Variants in PPP5C observed in about 807,000 individuals in gnomAD.
PPP5C encodes the protein serine/threonine-protein phosphatase 5.
Under a neutral mutation model 66.7 loss-of-function variants are expected in PPP5C, and 21 were observed. The ratio of observed to expected loss-of-function variants is 0.31; its 90% CI spans 0.22 to 0.45. PPP5C has a LOEUF of 0.45. PPP5C is among the 20% of genes least tolerant of loss of function. PPP5C has a pLI of 1.00. For synonymous variants in PPP5C, 246 were observed against 257.4 expected (o/e 0.96, Z 0.43); for missense variants, 464 against 675.9 (o/e 0.69, Z 3.48).
chr19:46,381,388 G>A (rs1177746209), intron 4 of PPP5C: 1 of 152,058 alleles, frequency 6.6e-6, no homozygotes, highest in Admixed American at 6.6e-5. Context: ...CAATTTTATT[G>A]TATGCCAGCT....
chr19:46,369,925 GGAAAAA>G (rs1477254666), intron 2 of PPP5C, among the ~76,000 whole-genome samples: 1 of 136,084 alleles, frequency 7.3e-6, no homozygotes, highest in Non-Finnish European at 1.6e-5. Context: ...GACTCCGTCT[GGAAAAA>G]AAAAAAAAAA....
chr19:46,373,309 GA>G (rs574145147), intron 2 of PPP5C, among the ~76,000 whole-genome samples: 4 of 152,264 alleles, frequency 2.6e-5, no homozygotes, highest in Non-Finnish European at 4.4e-5. Context: ...TCGCCTGGGA[GA>G]GAAGGGAATC....
At chr19:46,390,019 C>T (rs1972985479) in intron 11 of PPP5C, 32 bp from the exon 12 acceptor site, 4 of 1,606,884 alleles carry the variant, frequency 2.5e-6, no homozygotes, top group African/African-American at 1.3e-5. Context: ...CCAGCCCTGA[C>T]CACACTGTCC....
rs980827839 is a variant in PPP5C, at chr19:46,347,947, A to AC, written c.121+730_121+731insC. ...TGCAGGTGAACCAGACATGAAAAAAAAAAAAACAAAAAAAAACCATGTAAA... is the reference window on the plus strand; with the variant it reads ...TGCAGGTGAACCAGACATGAAAAAAACAAAAAACAAAAAAAAACCATGTAAA... On this transcript the variant is annotated intron_variant, in intron 1 of 12. Transcript: ENST00000012443. Among the ~76,000 whole-genome samples, 53 of 151,608 alleles carry AC rather than the reference A, an allele frequency of 3.5e-4. 1 individual carries two copies. The highest frequency in any genetic ancestry group is 5.6e-4 in the Non-Finnish European group (38 of 67,984).
At chr19:46,362,572 A>G (rs1288303813) in intron 2 of PPP5C, among the ~76,000 whole-genome samples, 1 of 152,188 alleles carries the variant, frequency 6.6e-6, no homozygotes, top group African/African-American at 2.4e-5. Context: ...AGTTGATTCT[A>G]TTTATATGTA....
At position 46,383,222 on chromosome 19, in the gene PPP5C, A is replaced by G. The variant is rs1295875011; in HGVS notation, c.634-189A>G. ...GCAATGCTTCGGCACTGCACAGGCCACAGAAGCCTGCGGCTGCCTCCGGCC... is the reference window on the plus strand; with the variant it reads ...GCAATGCTTCGGCACTGCACAGGCCGCAGAAGCCTGCGGCTGCCTCCGGCC... On this transcript the variant is annotated intron_variant, in intron 4 of 12. Coordinates refer to ENST00000012443, the MANE Select transcript of PPP5C (RefSeq NM_006247.4). The surrounding 1 kb of genome is among the most constrained non-coding windows in gnomAD (Gnocchi z 5.0). The G allele has an allele frequency of 6.5e-7, 1 of 1,536,670 alleles. No homozygotes were observed. Among genetic ancestry groups the G allele is most frequent in the Non-Finnish European group, 8.7e-7 (1 of 1,144,580 alleles).
intron 6 of PPP5C, 98 bp from the exon 7 acceptor site, chr19:46,384,706 A>G: frequency 2.2e-6 from 2 of 892,046 alleles, no homozygotes; most frequent in South Asian, 2.8e-5. Flanking sequence ...GAGGCCAGGC[A>G]GGAGCAGCCC....
At chr19:46,374,071 G>A (rs1972646987) in intron 2 of PPP5C, among the ~76,000 whole-genome samples, 1 of 152,158 alleles carries the variant, frequency 6.6e-6, no homozygotes, top group Non-Finnish European at 1.5e-5. Flanking sequence ...AGGATGCCAG[G>A]GGCTGCCTGG....
intron 2 of PPP5C, among the ~76,000 whole-genome samples, chr19:46,358,930 T>C (rs1285216104): frequency 3.9e-5 from 6 of 152,176 alleles, no homozygotes; most frequent in African/African-American, 7.2e-5. Flanking sequence ...TTTCTCAAGA[T>C]GGGGAGTGGG....
chr19:46,353,532 C>T (rs892985840), intron 1 of PPP5C, among the ~76,000 whole-genome samples: 6 of 25,760 alleles, frequency 2.3e-4, no homozygotes, highest in East Asian at 1.4e-3. Flanking sequence ...GGTGGGTGGG[C>T]GGGTGTGTGG....
At position 46,384,885 on chromosome 19, in the gene PPP5C, C is replaced by T; in HGVS notation, c.880C>T (p.Pro294Ser). Reference protein sequence around the residue: ...LTLFGFKLLYPDHFHLLRGNH... With the variant: ...LTLFGFKLLYSDHFHLLRGNH... ...CCTTTTCGGCTTCAAGCTCCTGTAC[C>T]CAGATCACTTTCACCTCCTTCGAGG... Residue 294 changes from proline to serine, a missense_variant, in exon 7 of 13, where the codon CCA becomes TCA. Physicochemically the swap from Pro to Ser is moderately conservative, Grantham distance 74 (BLOSUM62 -1). This residue lies in a region of PPP5C where 387 missense variants were observed against 626.0 expected (regional missense o/e 0.62). Coordinates refer to ENST00000012443, the MANE Select transcript of PPP5C (RefSeq NM_006247.4). 1 of 1,614,070 alleles carries T rather than the reference C, an allele frequency of 6.2e-7. No homozygotes were observed. The highest frequency in any genetic ancestry group is 8.5e-7 in the Non-Finnish European group (1 of 1,179,920).
chr19:46,350,818 A>G (rs1326015611), intron 1 of PPP5C, among the ~76,000 whole-genome samples: 1 of 152,010 alleles, frequency 6.6e-6, no homozygotes, highest in South Asian at 2.1e-4. Flanking sequence ...CTTCCTCGCC[A>G]CGTGCTTGGC....
At chr19:46,380,094 C>T (rs1290224669) in intron 4 of PPP5C, among the ~76,000 whole-genome samples, 1 of 152,126 alleles carries the variant, frequency 6.6e-6, no homozygotes, top group African/African-American at 2.4e-5. Context: ...CACTTGGGGT[C>T]AGGAGTTCCA....
chr19:46,361,076 AT>A (rs1479012952), intron 2 of PPP5C, among the ~76,000 whole-genome samples: 1 of 147,146 alleles, frequency 6.8e-6, no homozygotes, highest in East Asian at 2.0e-4. Context: ...GTTTTTTGGG[AT>A]TTTTGTTTTG....
intron 2 of PPP5C, among the ~76,000 whole-genome samples, chr19:46,372,237 T>G (rs1972606293): frequency 6.6e-6 from 1 of 152,102 alleles, no homozygotes; most frequent in Admixed American, 6.5e-5. Flanking sequence ...AGAATCTCAC[T>G]GTGTTACCCA....
chr19:46,374,537 C>T (rs1205273188), intron 2 of PPP5C, among the ~76,000 whole-genome samples: 1 of 152,200 alleles, frequency 6.6e-6, no homozygotes, highest in Non-Finnish European at 1.5e-5. Context: ...CCCCCAAATC[C>T]AGTCTGCTTT....
intron 2 of PPP5C, among the ~76,000 whole-genome samples, chr19:46,366,352 G>GT (rs1224564382): frequency 5.4e-4 from 80 of 147,940 alleles, no homozygotes; most frequent in East Asian, 1.4e-3. Flanking sequence ...TGTGGTTTTT[G>GT]TTTTTTTTTT....
In PPP5C at chr19:46,375,597, C is replaced by T. The variant is rs1168054785; in HGVS notation, c.364-7C>T. ...CTCAGTGTGCACGCCCCTTCCCTCC[C>T]ACCCAGGTGGTCAAGGTGAAGCCCC... is the stretch of plus-strand genomic sequence containing the variant. On this transcript the variant is annotated splice_polypyrimidine_tract_variant and splice_region_variant and intron_variant, in intron 2 of 12. Coordinates refer to ENST00000012443, the MANE Select transcript of PPP5C (RefSeq NM_006247.4). The T allele has an allele frequency of 9.3e-6, 15 of 1,613,832 alleles. No individual in the cohort carries two copies. The East Asian group carries it at 3.3e-4, about 36-fold the overall frequency.
Position 46,352,345 on chromosome 19 carries a change from T to C in PPP5C, c.122-1403T>C, listed in dbSNP as rs76756546. 4.5e-3 allele frequency among the ~76,000 whole-genome samples: 692 copies of C among 152,294 alleles called. 3 individuals are homozygous for C. The highest frequency in any genetic ancestry group is 0.016 in the African/African-American group (672 of 41,558). On this transcript the variant is annotated intron_variant, in intron 1 of 12. Coordinates refer to ENST00000012443, the MANE Select transcript of PPP5C (RefSeq NM_006247.4). The stretch of plus-strand genomic sequence containing the variant: ...CTGGTAGAAGGACTCTAGGAAACCC[T>C]AGTCCACAGGGGGTTCCTCAGTAGC...
Sources: allele counts gnomAD v4.1 joint callset (sites outside exome capture counted in the v4.1 genomes callset), GRCh38; gene constraint gnomAD v4.1.1; regional missense constraint gnomAD v4.1.1; non-coding constraint Gnocchi (gnomAD v3.1); transcripts MANE v1.5; gene names NCBI Gene and HGNC (gene_info 2026-07-23, HGNC 2026-07-21).